COL13A1: variants seen among roughly 807,000 people sequenced by gnomAD.
COL13A1 encodes the protein collagen type XIII alpha 1 chain.
In COL13A1, 89 loss-of-function variants were observed where a neutral mutation model predicts 130.9. The ratio of observed to expected loss-of-function variants is 0.68; its 90% CI spans 0.57 to 0.81. The LOEUF is 0.81. Ranked by LOEUF, COL13A1 falls within the 30% of genes least tolerant of loss-of-function variation. The pLI, the probability that COL13A1 is intolerant of heterozygous loss-of-function variation, is 0.00. For synonymous variants in COL13A1, 402 were observed against 341.6 expected (o/e 1.18, Z -1.95); for missense variants, 879 against 934.6 (o/e 0.94, Z 0.78).
At chr10:69,882,709 A>G (rs1195946901) in intron 7 of COL13A1, among the ~76,000 whole-genome samples, 1 of 152,232 alleles carries the variant, frequency 6.6e-6, no homozygotes, top group Admixed American at 6.5e-5. Flanking sequence ...GTTTAAAATG[A>G]TATTTACTTC....
chr10:69,838,059 A>G lies in COL13A1; in HGVS notation c.364+15621A>G, dbSNP rs143596911. ...GAGGCCAGGGCCCTGTGGGTTGGTC[A>G]CCCCTGGACATTCCACCCACAGTGC... On this transcript the variant is annotated intron_variant, in intron 2 of 40. Transcript: ENST00000645393. Among the ~76,000 whole-genome samples the G allele has an allele frequency of 5.4e-3, 819 of 152,214 alleles. 5 individuals are homozygous for G. Among genetic ancestry groups the G allele is most frequent in the African/African-American group, 0.019 (786 of 41,530 alleles).
At position 69,894,735 on chromosome 10, in the gene COL13A1, C is replaced by T. The variant is rs145964759; in HGVS notation, c.657+34C>T. 497 of 1,613,316 alleles carry T rather than the reference C, an allele frequency of 3.1e-4. 4 individuals carry two copies. The African/African-American group carries it at 6.2e-3, about 20-fold the overall frequency. ...AGTGGAGGTTTCCTAGAGTCTCCATCTCAGGAAATGGCCTCCCAGTTGGTA... is the reference window on the plus strand; with the variant it reads ...AGTGGAGGTTTCCTAGAGTCTCCATTTCAGGAAATGGCCTCCCAGTTGGTA... On this transcript the variant is annotated intron_variant, in intron 12 of 40. Transcript: ENST00000645393.
intron 2 of COL13A1, among the ~76,000 whole-genome samples, chr10:69,851,422 C>A (rs770935474): frequency 2.0e-5 from 3 of 152,204 alleles, no homozygotes; most frequent in Non-Finnish European, 2.9e-5. Context: ...CTGGCCCCTG[C>A]CTTCCTTTCC....
chr10:69,925,110 G>A (rs1357621347), intron 25 of COL13A1, 103 bp downstream of exon 25: 4 of 1,233,018 alleles, frequency 3.2e-6, no homozygotes, highest in South Asian at 1.9e-5. Context: ...ATTTTGCCAA[G>A]GTTAAGGGCA....
intron 1 of COL13A1, among the ~76,000 whole-genome samples, chr10:69,810,386 G>C (rs954790815): frequency 2.7e-5 from 4 of 149,652 alleles, no homozygotes; most frequent in Non-Finnish European, 5.9e-5. Context: ...GAGAGACAGA[G>C]AGTCTGTGTG....
intron 3 of COL13A1, among the ~76,000 whole-genome samples, chr10:69,869,327 C>CT (rs1564897822): frequency 7.0e-6 from 1 of 142,362 alleles, no homozygotes; most frequent in African/African-American, 2.6e-5. Context: ...AGCCCTGAAC[C>CT]TTTGCCCAGT....
At chr10:69,938,548 A>C (rs3793823) in intron 34 of COL13A1, among the ~76,000 whole-genome samples, 50,695 of 152,040 alleles carry the variant, frequency 0.33, 8,462 homozygotes, top group East Asian at 0.41. Flanking sequence ...CCAGAGGCTG[A>C]TCTGAGGCCA....
chr10:69,823,345 A>G (rs1243368450), intron 2 of COL13A1, among the ~76,000 whole-genome samples: 1 of 152,228 alleles, frequency 6.6e-6, no homozygotes, highest in Non-Finnish European at 1.5e-5. Flanking sequence ...GAGGAACTAG[A>G]ATGCACTGTA....
chr10:69,805,700 G>C (rs2704501), intron 1 of COL13A1, among the ~76,000 whole-genome samples: 24,299 of 152,072 alleles, frequency 0.16, 2,160 homozygotes, highest in Non-Finnish European at 0.21. Context: ...TTCTGGGCCT[G>C]CAAAGCAACT....
chr10:69,840,219 G>A (rs894614538), intron 2 of COL13A1, among the ~76,000 whole-genome samples: 1 of 152,230 alleles, frequency 6.6e-6, no homozygotes, highest in Admixed American at 6.5e-5. Flanking sequence ...TGGAGCTGCA[G>A]AATGCTTAGC....
intron 40 of COL13A1, 139 bp from the exon 41 acceptor site, chr10:69,958,560 G>A: frequency 7.6e-7 from 1 of 1,318,794 alleles, no homozygotes; most frequent in Admixed American, 2.4e-5. Context: ...TTTCACCTAG[G>A]GGCTCAGGGT....
At position 69,956,656 on chromosome 10, in the gene COL13A1, G is replaced by A. The variant is rs548874160; in HGVS notation, c.2146-348G>A. ...GAGGAGGAAACTGAGGCCGCCTTGT[G>A]CTGAGTGGCTTACCCGTGAGCAGCC... On this transcript the variant is annotated intron_variant, in intron 39 of 40. Coordinates refer to ENST00000645393, the MANE Select transcript of COL13A1 (RefSeq NM_001368882.1). The A allele has an allele frequency of 2.0e-5, 5 of 253,378 alleles. No individual in the cohort carries two copies. In the South Asian group the frequency reaches 3.5e-4, roughly 18 times the overall value. 15.7% of individuals were successfully genotyped at this position (253,378 alleles called of 1,614,324 possible).
At chr10:69,866,758 C>G (rs1287135988) in intron 2 of COL13A1, among the ~76,000 whole-genome samples, 1 of 152,084 alleles carries the variant, frequency 6.6e-6, no homozygotes, top group South Asian at 2.1e-4. Flanking sequence ...TGGATGGTGA[C>G]CAGGGCAGAG....
chr10:69,877,053 C>T (rs2059639245), intron 5 of COL13A1, among the ~76,000 whole-genome samples: 1 of 152,196 alleles, frequency 6.6e-6, no homozygotes, highest in South Asian at 2.1e-4. Context: ...CTCCCTACTT[C>T]CTTCTTAGCA....
At chr10:69,906,944 T>A (rs1360699694) in intron 17 of COL13A1, among the ~76,000 whole-genome samples, 1 of 152,138 alleles carries the variant, frequency 6.6e-6, no homozygotes, top group African/African-American at 2.4e-5. Flanking sequence ...TTGGCCAGGA[T>A]GGTCTCGGTC....
At chr10:69,849,577 C>T (rs1192600970) in intron 2 of COL13A1, among the ~76,000 whole-genome samples, 1 of 152,162 alleles carries the variant, frequency 6.6e-6, no homozygotes, top group Non-Finnish European at 1.5e-5. Context: ...TAGCCCTGGC[C>T]TCAATTCTGT....
intron 2 of COL13A1, among the ~76,000 whole-genome samples, chr10:69,835,306 G>T (rs541076791): frequency 6.6e-6 from 1 of 152,116 alleles, no homozygotes; most frequent in African/African-American, 2.4e-5. Context: ...GGAAGAGCCC[G>T]CGACCTCTGC....
intron 7 of COL13A1, among the ~76,000 whole-genome samples, chr10:69,881,278 G>A (rs964340501): frequency 2.0e-5 from 3 of 152,214 alleles, no homozygotes; most frequent in Non-Finnish European, 4.4e-5. Context: ...CTCAGAAGGG[G>A]AAACTGAGGC....
At chr10:69,826,157 G>A (rs1397399087) in intron 2 of COL13A1, among the ~76,000 whole-genome samples, 2 of 152,196 alleles carry the variant, frequency 1.3e-5, no homozygotes, top group Non-Finnish European at 2.9e-5. Context: ...AACAAATGAG[G>A]AGCAGGACAT....
Sources: allele counts gnomAD v4.1 joint callset (sites outside exome capture counted in the v4.1 genomes callset), GRCh38; gene constraint gnomAD v4.1.1; transcripts MANE v1.5; gene names NCBI Gene and HGNC (gene_info 2026-07-23, HGNC 2026-07-21).